The following SDC2 variants were observed in gnomAD, a reference collection of about 807,000 sequenced individuals.
SDC2 encodes the protein syndecan 2, also known as syndecan-2.
A neutral mutation model predicts 22.2 loss-of-function variants in SDC2; 13 were observed. The ratio of observed to expected loss-of-function variants is 0.59; its 90% CI spans 0.38 to 0.93. SDC2 has a LOEUF of 0.93. Ranked by LOEUF, SDC2 falls within the 40% of genes least tolerant of loss-of-function variation. The pLI, the probability that SDC2 is intolerant of heterozygous loss-of-function variation, is 0.00. For missense variants in SDC2, 235 were observed against 246.8 expected (o/e 0.95, Z 0.32); for synonymous variants, 94 against 92.8 (o/e 1.01, Z -0.07).
At chr8:96,580,153 C>T (rs1479755630) in intron 1 of SDC2, among the ~76,000 whole-genome samples, 2 of 152,190 alleles carry the variant, frequency 1.3e-5, no homozygotes, top group African/African-American at 2.4e-5. Context: ...TGGTCATCAC[C>T]GGTGGGCCAG....
At chr8:96,527,294 C>T (rs1486559739) in intron 1 of SDC2, among the ~76,000 whole-genome samples, 1 of 152,108 alleles carries the variant, frequency 6.6e-6, no homozygotes, top group African/African-American at 2.4e-5. Context: ...TAACATAAAT[C>T]CCACTTGAAT....
intron 1 of SDC2, among the ~76,000 whole-genome samples, chr8:96,591,015 G>A (rs566245777): frequency 1.0e-3 from 154 of 152,246 alleles, no homozygotes; most frequent in South Asian, 3.9e-3. Flanking sequence ...AAGTCAGTTG[G>A]CTTGTCAGAC....
chr8:96,579,195 T>C (rs1024165019), intron 1 of SDC2, among the ~76,000 whole-genome samples: 4 of 152,266 alleles, frequency 2.6e-5, no homozygotes, highest in African/African-American at 7.2e-5. Context: ...ATTCGTTTTA[T>C]GTATGGCATT....
intron 1 of SDC2, among the ~76,000 whole-genome samples, chr8:96,570,005 A>G (rs1258236740): frequency 6.6e-6 from 1 of 152,232 alleles, no homozygotes; most frequent in Non-Finnish European, 1.5e-5. Flanking sequence ...AATGCAAAAT[A>G]TATTCGTGTG....
intron 1 of SDC2, among the ~76,000 whole-genome samples, chr8:96,525,439 C>A (rs1813562208): frequency 1.3e-5 from 2 of 152,170 alleles, no homozygotes. Flanking sequence ...ATCAGAGCCC[C>A]CTTCCCATTA....
chr8:96,585,115 T>G (rs557014704), intron 1 of SDC2: 1 of 152,366 alleles, frequency 6.6e-6, no homozygotes, highest in Admixed American at 6.5e-5. Flanking sequence ...GTTCGTTTAT[T>G]TGTTTTTAGT....
intron 1 of SDC2, among the ~76,000 whole-genome samples, chr8:96,591,219 G>A (rs754517832): frequency 2.6e-5 from 4 of 152,178 alleles, no homozygotes; most frequent in Non-Finnish European, 4.4e-5. Context: ...GAGCCAAGAG[G>A]AAAATGAAAG....
intron 3 of SDC2, among the ~76,000 whole-genome samples, chr8:96,605,998 C>G (rs950499633): frequency 2.6e-5 from 4 of 152,178 alleles, no homozygotes; most frequent in African/African-American, 7.2e-5. Context: ...TGGATGAACT[C>G]TAGCCTTCAG....
chr8:96,606,932 G>T (rs1019653728), intron 3 of SDC2, among the ~76,000 whole-genome samples: 1 of 152,144 alleles, frequency 6.6e-6, no homozygotes, highest in African/African-American at 2.4e-5. Flanking sequence ...GACCAGTAGC[G>T]GTGGCCTGTT....
At chr8:96,494,464 A>G in intron 1 of SDC2, 133 bp downstream of exon 1, 2 of 774,644 alleles carry the variant, frequency 2.6e-6, no homozygotes, top group Non-Finnish European at 4.0e-6. Flanking sequence ...CCGCTGGGAC[A>G]AATGCGCTCG....
At chr8:96,551,727 GAA>G (rs1814031027) in intron 1 of SDC2, among the ~76,000 whole-genome samples, 1 of 152,184 alleles carries the variant, frequency 6.6e-6, no homozygotes, top group Non-Finnish European at 1.5e-5. Context: ...GATATGCCAA[GAA>G]AGAGATCTTA....
At chr8:96,537,103 GTGTGTAGGGGGTCTGCTGTAA>G (rs1230761925) in intron 1 of SDC2, among the ~76,000 whole-genome samples, 1 of 152,128 alleles carries the variant, frequency 6.6e-6, no homozygotes, top group Non-Finnish European at 1.5e-5. Flanking sequence ...CAGTACCTTT[GTGTGTAGGGGGTCTGCTGTAA>G]TGAAAAACAG....
chr8:96,605,429 C>T (rs1815061074), intron 3 of SDC2, among the ~76,000 whole-genome samples: 1 of 152,164 alleles, frequency 6.6e-6, no homozygotes, highest in Non-Finnish European at 1.5e-5. Context: ...TGTCTTTCCA[C>T]AAGGCAGCCA....
rs1815158755 is a variant in SDC2, at chr8:96,610,553, A to G, written c.*1005A>G. 6.6e-6 allele frequency: 1 copy of G among 152,648 alleles called. No individual in the cohort carries two copies. The highest frequency in any genetic ancestry group is 6.5e-5 in the Admixed American group (1 of 15,276). The allele number at this position is 152,648 out of a possible 1,614,324, so 9.5% of individuals were successfully genotyped here. ...TATTTTATAAGCACAGACAATTCTA[A>G]TGGTAACTTTTGTAGTCTTATGAAT... On this transcript the variant is annotated 3_prime_UTR_variant, in exon 5 of 5. Transcript: ENST00000302190.
chr8:96,588,851 G>GT (rs971361217), intron 1 of SDC2, among the ~76,000 whole-genome samples: 24 of 152,332 alleles, frequency 1.6e-4, no homozygotes, highest in African/African-American at 5.5e-4. Context: ...AAGGCGTTGT[G>GT]TTTTTTAAAC....
intron 1 of SDC2, among the ~76,000 whole-genome samples, chr8:96,517,799 GTGTATA>G (rs746073491): frequency 3.1e-5 from 4 of 129,474 alleles, no homozygotes; most frequent in Non-Finnish European, 6.6e-5. Flanking sequence ...GTGTGTGTGT[GTGTATA>G]TATATATGCA....
chr8:96,609,685 A>T lies in SDC2; in HGVS notation c.*137A>T. ...CACTTTAATGATAAAATCCCATTGT[A>T]TTTAAAACATTTCATGTATTTCTTT... On this transcript the variant is annotated 3_prime_UTR_variant, in exon 5 of 5. Coordinates refer to ENST00000302190, the MANE Select transcript of SDC2 (RefSeq NM_002998.4). 1 of 532,616 alleles carries T rather than the reference A, an allele frequency of 1.9e-6. No individual in the cohort carries two copies. 33.0% of individuals were successfully genotyped at this position (532,616 alleles called of 1,614,324 possible). A position where few individuals can be genotyped will look rare whatever the true frequency, so the allele number is the denominator to read the frequency against.
chr8:96,589,414 G>A (rs199526341), intron 1 of SDC2, among the ~76,000 whole-genome samples: 3 of 136,266 alleles, frequency 2.2e-5, no homozygotes, highest in South Asian at 2.4e-4. Context: ...TTGTTTGTTT[G>A]TTGTTTGTTT....
At chr8:96,556,254 T>C (rs1814110484) in intron 1 of SDC2, among the ~76,000 whole-genome samples, 1 of 152,178 alleles carries the variant, frequency 6.6e-6, no homozygotes, top group Non-Finnish European at 1.5e-5. Context: ...GTATTATGTT[T>C]ATCAGAGAAT....
Sources: gnomAD v4.1 joint callset for allele counts (sites outside exome capture counted in the v4.1 genomes callset) on GRCh38, gnomAD v4.1.1 for gene constraint, MANE v1.5 for transcripts, NCBI Gene and HGNC (gene_info 2026-07-23, HGNC 2026-07-21) for gene names.